The following OR2L13 variants were observed in gnomAD, a reference collection of about 807,000 sequenced individuals.
OR2L13 encodes olfactory receptor family 2 subfamily L member 13.
OR2L13 carries 14 observed loss-of-function variants against 15.3 expected under a neutral mutation model. The ratio of observed to expected loss-of-function variants is 0.91; its 90% CI spans 0.60 to 1.43. The LOEUF is 1.43. Among genes scored for constraint, OR2L13 ranks in the 40% most tolerant of loss-of-function variants. The pLI is 0.00. For missense variants in OR2L13, 367 were observed against 387.9 expected (o/e 0.95, Z 0.45); for synonymous variants, 152 against 142.9 (o/e 1.06, Z -0.45).
chr1:247,940,587 C>T, the OR2L13 span, among the ~76,000 whole-genome samples: 1 of 151,984 alleles, frequency 6.6e-6, no homozygotes, highest in East Asian at 1.9e-4. Flanking sequence ...AACAGAAAAC[C>T]TATAGGTATT....
chr1:247,964,282 C>T, the OR2L13 span, among the ~76,000 whole-genome samples: 8 of 152,028 alleles, frequency 5.3e-5, no homozygotes, highest in African/African-American at 1.9e-4. Flanking sequence ...TTGATGGGCA[C>T]CTATTTGGAT....
chr1:247,958,109 T>C, the OR2L13 span, among the ~76,000 whole-genome samples: 1 of 152,228 alleles, frequency 6.6e-6, no homozygotes, highest in Non-Finnish European at 1.5e-5. Context: ...ACATACTGCT[T>C]TGAATGTGTC....
the OR2L13 span, among the ~76,000 whole-genome samples, chr1:248,014,288 G>A: frequency 6.6e-6 from 1 of 152,100 alleles, no homozygotes; most frequent in Non-Finnish European, 1.5e-5. Flanking sequence ...AAGACAGAAT[G>A]AGAGTGGTTA....
chr1:247,993,582 A>G, the OR2L13 span, among the ~76,000 whole-genome samples: 1 of 152,042 alleles, frequency 6.6e-6, no homozygotes, highest in African/African-American at 2.4e-5. Flanking sequence ...ATTTATTTAC[A>G]TCATCATTAT....
chr1:247,942,271 G>A, the OR2L13 span, among the ~76,000 whole-genome samples: 42 of 152,090 alleles, frequency 2.8e-4, 1 homozygote, highest in African/African-American at 9.2e-4. Context: ...GCTGCTTAGT[G>A]CTTAAAAGTC....
At chr1:248,073,862 A>G in the OR2L13 span, among the ~76,000 whole-genome samples, 2 of 151,940 alleles carry the variant, frequency 1.3e-5, no homozygotes, top group Admixed American at 1.3e-4. Context: ...ATGGACTAAT[A>G]TAAATATTAA....
At chr1:248,061,897 A>G in the OR2L13 span, 1 of 292,246 alleles carries the variant, frequency 3.4e-6, no homozygotes, top group African/African-American at 2.2e-5. Flanking sequence ...TCATGCAGAA[A>G]TAGAAATGAA....
chr1:247,965,732 C>T, the OR2L13 span: 1 of 1,561,154 alleles, frequency 6.4e-7, no homozygotes, highest in Non-Finnish European at 8.7e-7. Context: ...GGTTTTATGT[C>T]TTATGATCGC....
At chr1:248,041,262 G>C in the OR2L13 span, 1 of 152,074 alleles carries the variant, frequency 6.6e-6, no homozygotes, top group Non-Finnish European at 1.5e-5. Context: ...ATGGGGAAAG[G>C]ATTCCCTATT....
At chr1:247,998,706 A>G in the OR2L13 span, among the ~76,000 whole-genome samples, 1 of 152,196 alleles carries the variant, frequency 6.6e-6, no homozygotes, top group Non-Finnish European at 1.5e-5. Flanking sequence ...CTGGAAATAA[A>G]TAATGAAGGT....
chr1:247,994,646 C>G, the OR2L13 span, among the ~76,000 whole-genome samples: 1 of 152,064 alleles, frequency 6.6e-6, no homozygotes, highest in East Asian at 1.9e-4. Context: ...ATGCTACAAA[C>G]TTGAAGTTAT....
At chr1:247,986,410 T>A in the OR2L13 span, among the ~76,000 whole-genome samples, 83 of 152,298 alleles carry the variant, frequency 5.4e-4, no homozygotes, top group African/African-American at 2.0e-3. Flanking sequence ...TTGTCAAAGA[T>A]CAGATGGTTG....
the OR2L13 span, among the ~76,000 whole-genome samples, chr1:247,977,989 T>C: frequency 1.3e-5 from 2 of 152,190 alleles, no homozygotes; most frequent in Non-Finnish European, 2.9e-5. Context: ...AGAAGGCTGA[T>C]ATGAGGCTTC....
the OR2L13 span, among the ~76,000 whole-genome samples, chr1:247,951,148 A>G: frequency 1.3e-5 from 2 of 152,172 alleles, no homozygotes; most frequent in Non-Finnish European, 2.9e-5. Context: ...TGTTCTATGC[A>G]TCTGTTTTTA....
chr1:248,084,437 G>T, the OR2L13 span: 1 of 1,596,684 alleles, frequency 6.3e-7, no homozygotes, highest in Non-Finnish European at 8.5e-7. Context: ...TGGGCGTGTG[G>T]AGCCGGCCGG....
chr1:247,960,907 C>T, the OR2L13 span, among the ~76,000 whole-genome samples: 4 of 152,124 alleles, frequency 2.6e-5, no homozygotes, highest in Non-Finnish European at 5.9e-5. Flanking sequence ...CATGCCTTGC[C>T]CTGCTTTGGC....
the OR2L13 span, among the ~76,000 whole-genome samples, chr1:247,992,184 T>C: frequency 4.9e-5 from 7 of 143,286 alleles, no homozygotes; most frequent in Admixed American, 4.8e-4. Flanking sequence ...ACTAAATAAG[T>C]AGTAAATATG....
At chr1:248,071,236 T>C in the OR2L13 span, among the ~76,000 whole-genome samples, 13,624 of 152,080 alleles carry the variant, frequency 0.09, 816 homozygotes, top group African/African-American at 0.17. Flanking sequence ...AATAAAATAC[T>C]GGCAAACCGA....
the OR2L13 span, among the ~76,000 whole-genome samples, chr1:248,088,271 A>AC: frequency 2.5e-3 from 378 of 152,310 alleles, no homozygotes; most frequent in African/African-American, 8.1e-3. Flanking sequence ...TAAAAAAAAA[A>AC]ATCTGAAGGT....
Sources: allele counts gnomAD v4.1 joint callset (sites outside exome capture counted in the v4.1 genomes callset), GRCh38; gene constraint gnomAD v4.1.1; transcripts MANE v1.5; gene names NCBI Gene and HGNC (gene_info 2026-07-23, HGNC 2026-07-21).